Variants in APTX observed in about 807,000 individuals in gnomAD.
The protein encoded by APTX is aprataxin, also known as forkhead-associated domain histidine triad-like protein.
A neutral mutation model predicts 42.3 loss-of-function variants in APTX; 33 were observed. The ratio of observed to expected loss-of-function variants is 0.78; its 90% CI spans 0.59 to 1.04. APTX has a LOEUF of 1.04. Among genes scored for constraint, APTX ranks in the 50% least tolerant of loss-of-function variants. The pLI is 0.00. For synonymous variants in APTX, 130 were observed against 146.7 expected (o/e 0.89, Z 0.82); for missense variants, 421 against 415.1 (o/e 1.01, Z -0.12).
intron 1 of APTX, chr9:33,019,556 C>G (rs1838194631): frequency 2.9e-6 from 1 of 344,436 alleles, no homozygotes; most frequent in South Asian, 1.5e-4. Context: ...ACAAGGGACC[C>G]CTGAGCACAC....
At chr9:32,993,008 G>A (rs1199205845) in intron 1 of APTX, among the ~76,000 whole-genome samples, 1 of 152,190 alleles carries the variant, frequency 6.6e-6, no homozygotes, top group Admixed American at 6.5e-5. Context: ...AGACTGAGAA[G>A]TGAAATATGT....
At chr9:33,015,023 C>G (rs1428565392) in intron 1 of APTX, among the ~76,000 whole-genome samples, 2 of 152,224 alleles carry the variant, frequency 1.3e-5, no homozygotes, top group East Asian at 3.8e-4. Context: ...CATGGCCCAG[C>G]TGTATCAAAT....
chr9:32,975,728 G>C (rs1032339432), intron 6 of APTX, among the ~76,000 whole-genome samples: 1 of 152,118 alleles, frequency 6.6e-6, no homozygotes, highest in Non-Finnish European at 1.5e-5. Flanking sequence ...AAAAGAAAAT[G>C]CACTTTATTT....
At chr9:32,983,754 G>A (rs1563959133) in intron 6 of APTX, among the ~76,000 whole-genome samples, 2 of 152,162 alleles carry the variant, frequency 1.3e-5, no homozygotes, top group South Asian at 2.1e-4. Context: ...AGTCACAAAA[G>A]GACAAATATG....
At chr9:33,012,973 C>T (rs1287446802) in intron 1 of APTX, among the ~76,000 whole-genome samples, 1 of 152,138 alleles carries the variant, frequency 6.6e-6, no homozygotes, top group Non-Finnish European at 1.5e-5. Context: ...CCCACTCATT[C>T]GTAAGCTCCA....
chr9:33,023,096 T>C (rs1838523872), intron 1 of APTX, among the ~76,000 whole-genome samples: 1 of 152,220 alleles, frequency 6.6e-6, no homozygotes, highest in Non-Finnish European at 1.5e-5. Flanking sequence ...CCCAAAGTGC[T>C]GGGATTACAG....
intron 1 of APTX, among the ~76,000 whole-genome samples, chr9:32,998,087 G>C (rs1835384122): frequency 6.6e-6 from 1 of 152,202 alleles, no homozygotes; most frequent in South Asian, 2.1e-4. Flanking sequence ...AGTGATGAAT[G>C]TGATAAGAGT....
At chr9:33,006,014 C>G (rs1200411635), upstream of APTX, among the ~76,000 whole-genome samples, 1 of 150,414 alleles carries the variant, frequency 6.6e-6, no homozygotes, top group African/African-American at 2.4e-5. Flanking sequence ...AGTATAAGAA[C>G]TTTATTCTTT....
At chr9:33,010,945 C>T (rs1166868111) in intron 1 of APTX, among the ~76,000 whole-genome samples, 3 of 151,968 alleles carry the variant, frequency 2.0e-5, no homozygotes, top group East Asian at 3.9e-4. Context: ...AGTTTGAGAC[C>T]AGCCTGGCCA....
chr9:33,007,204 G>A (rs1297537037), intron 1 of APTX, among the ~76,000 whole-genome samples: 1 of 152,074 alleles, frequency 6.6e-6, no homozygotes, highest in Non-Finnish European at 1.5e-5. Context: ...TTCTTTTAGA[G>A]TTGCTAGAAG....
At chr9:33,001,274 G>C in intron 1 of APTX, 2 of 1,441,428 alleles carry the variant, frequency 1.4e-6, no homozygotes, top group Non-Finnish European at 1.8e-6. Flanking sequence ...CGCCTCCTTG[G>C]TTGGACAGGG....
chr9:33,014,758 T>C (rs1265696261), intron 1 of APTX, among the ~76,000 whole-genome samples: 1 of 152,238 alleles, frequency 6.6e-6, no homozygotes, highest in African/African-American at 2.4e-5. Flanking sequence ...GAAGTATTGC[T>C]GTAGCTCAGC....
At chr9:33,022,276 A>C (rs916583293) in intron 1 of APTX, among the ~76,000 whole-genome samples, 1 of 152,232 alleles carries the variant, frequency 6.6e-6, no homozygotes, top group Non-Finnish European at 1.5e-5. Context: ...ATGGTAAAAT[A>C]ATATGAACAG....
At chr9:32,977,852 A>G (rs1314170651) in intron 6 of APTX, among the ~76,000 whole-genome samples, 1 of 152,054 alleles carries the variant, frequency 6.6e-6, no homozygotes, top group Non-Finnish European at 1.5e-5. Flanking sequence ...AGAAAAAAAA[A>G]ACGGAAACAG....
upstream of APTX, chr9:33,001,692 A>T: frequency 6.5e-7 from 1 of 1,543,468 alleles, no homozygotes; most frequent in Non-Finnish European, 8.8e-7. Context: ...TCTCTAACGG[A>T]TTGGCTGAAA....
At chr9:33,006,280 A>T (rs932540060), upstream of APTX, among the ~76,000 whole-genome samples, 5 of 152,072 alleles carry the variant, frequency 3.3e-5, no homozygotes, top group East Asian at 3.9e-4. Flanking sequence ...AATAAAAAGA[A>T]TTTTTTTTAA....
At chr9:32,979,336 A>G (rs1830182240) in intron 6 of APTX, among the ~76,000 whole-genome samples, 1 of 152,166 alleles carries the variant, frequency 6.6e-6, no homozygotes, top group South Asian at 2.1e-4. Flanking sequence ...ATAACGGCCT[A>G]CAGCTCCATC....
intron 1 of APTX, among the ~76,000 whole-genome samples, chr9:33,021,835 G>C (rs1055754605): frequency 6.6e-6 from 1 of 151,732 alleles, no homozygotes; most frequent in Non-Finnish European, 1.5e-5. Context: ...GTTTAAAATG[G>C]AACAATGATT....
chr9:33,021,640 T>C (rs1022029273), intron 1 of APTX, among the ~76,000 whole-genome samples: 14 of 149,704 alleles, frequency 9.4e-5, no homozygotes, highest in Non-Finnish European at 1.8e-4. Context: ...CTGGGCAACA[T>C]AGGAAGACCC....
Sources: gnomAD v4.1 joint callset for allele counts (sites outside exome capture counted in the v4.1 genomes callset) on GRCh38, gnomAD v4.1.1 for gene constraint, MANE v1.5 for transcripts, NCBI Gene and HGNC (gene_info 2026-07-23, HGNC 2026-07-21) for gene names.